Variants in CMTM2 observed in about 807,000 individuals in gnomAD.
CMTM2 encodes the protein CKLF like MARVEL transmembrane domain containing 2.
CMTM2 carries 15 observed loss-of-function variants against 16.8 expected under a neutral mutation model. The ratio of observed to expected loss-of-function variants is 0.89; its 90% CI spans 0.60 to 1.37. CMTM2 has a LOEUF of 1.37. Among genes scored for constraint, CMTM2 ranks in the 40% most tolerant of loss-of-function variants. The pLI is 0.00. For synonymous variants in CMTM2, 117 were observed against 118.7 expected (o/e 0.99, Z 0.09); for missense variants, 282 against 318.0 (o/e 0.89, Z 0.86).
chr16:66,583,487 C>T (rs1338112835), intron 2 of CMTM2, among the ~76,000 whole-genome samples: 1 of 149,542 alleles, frequency 6.7e-6, no homozygotes, highest in Non-Finnish European at 1.5e-5. Flanking sequence ...GCGAGACTGT[C>T]TCAAAAAAAA....
rs1689740354 is a variant in CMTM2, at chr16:66,588,131, C to T, written c.*12C>T. 6.2e-7 allele frequency: 1 copy of T among 1,610,932 alleles called. No homozygotes were observed. Among genetic ancestry groups the T allele is most frequent in the African/African-American group, 1.3e-5 (1 of 74,782 alleles). The stretch of plus-strand genomic sequence containing the variant: ...AGGGAAAGAAATGACTTGGAGGAGG[C>T]TCCTGGTGTCTGAAACGGCAGTGTA... On this transcript the variant is annotated 3_prime_UTR_variant, in exon 4 of 4. Coordinates refer to ENST00000268595, the MANE Select transcript of CMTM2 (RefSeq NM_144673.3).
intron 2 of CMTM2, chr16:66,580,620 T>A (rs34644564): frequency 0.37 from 61,124 of 165,568 alleles, 13,040 homozygotes; most frequent in Middle Eastern, 0.59. Context: ...GAATTTTTTT[T>A]AAAAATCACT....
At chr16:66,580,547 C>A in intron 2 of CMTM2, 1 of 216,852 alleles carries the variant, frequency 4.6e-6, no homozygotes, top group South Asian at 1.2e-4. Context: ...CAGAAGGACC[C>A]CATTCCCAAA....
In CMTM2 at chr16:66,587,056, G is replaced by A. The variant is rs2014801787; in HGVS notation, c.504G>A (p.Val168=). The part of the protein sequence containing the change: ...AFLVGAVVFA[V]RSRRSMNLHY... ...TTGTGGGAGCCGTGGTCTTTGCTGT[G>A]AGAAGTCGGCGATCCATGAATCTCC... Residue 168 remains valine, a synonymous_variant, in exon 3 of 4, where the codon GTG becomes GTA. Coordinates refer to ENST00000268595, the MANE Select transcript of CMTM2 (RefSeq NM_144673.3). The A allele has an allele frequency of 6.2e-7, 1 of 1,614,062 alleles. No individual in the cohort carries two copies. Among genetic ancestry groups the A allele is most frequent in the South Asian group, 1.1e-5 (1 of 91,090 alleles).
intron 2 of CMTM2, among the ~76,000 whole-genome samples, chr16:66,583,663 A>C (rs1325316293): frequency 1.3e-5 from 2 of 151,012 alleles, no homozygotes; most frequent in African/African-American, 4.9e-5. Context: ...ATTCACAAAT[A>C]TGAAAACTTA....
intron 2 of CMTM2, among the ~76,000 whole-genome samples, chr16:66,581,632 C>T (rs1429402821): frequency 2.0e-5 from 3 of 152,272 alleles, no homozygotes; most frequent in East Asian, 1.9e-4. Flanking sequence ...ATAAAGCCAG[C>T]GCCCTGGAAA....
At chr16:66,586,338 T>C (rs908141647) in intron 2 of CMTM2, among the ~76,000 whole-genome samples, 3 of 152,134 alleles carry the variant, frequency 2.0e-5, no homozygotes, top group Non-Finnish European at 2.9e-5. Flanking sequence ...TAGTTGTGTA[T>C]TTATTTAAAT....
intron 2 of CMTM2, among the ~76,000 whole-genome samples, chr16:66,583,940 C>G (rs1202979885): frequency 1.3e-5 from 2 of 152,208 alleles, no homozygotes; most frequent in Non-Finnish European, 2.9e-5. Context: ...CGTTGAGGCC[C>G]TAACCCCCAC....
chr16:66,587,340 G>GT (rs549606766), intron 3 of CMTM2, among the ~76,000 whole-genome samples: 93 of 152,144 alleles, frequency 6.1e-4, no homozygotes, highest in African/African-American at 2.2e-3. Flanking sequence ...GGCCAACATG[G>GT]TGAAATACAA....
Position 66,588,047 on chromosome 16 carries a change from G to A in CMTM2, c.675G>A (p.Gln225=), listed in dbSNP as rs1302124807. 1.2e-6 allele frequency: 2 copies of A among 1,613,714 alleles called. No homozygotes were observed. Among genetic ancestry groups the A allele is most frequent in the South Asian group, 1.1e-5 (1 of 91,066 alleles). ...CAGGAAAGGAAAAAGGACCCCAGCA[G>A]GGCAAGGGACCAGAACCCGCCAAGC... is the stretch of plus-strand genomic sequence containing the variant. ...PPPGKEKGPQ[Q]GKGPEPAKPP... The change falls in exon 4 of 4, where the codon CAG becomes CAA. Residue 225 remains glutamine, a synonymous_variant. Transcript: ENST00000268595.
chr16:66,579,653 G>T lies in CMTM2; in HGVS notation c.46G>T (p.Ala16Ser). The T allele has an allele frequency of 6.2e-7, 1 of 1,614,048 alleles. No homozygotes were observed. The highest frequency in any genetic ancestry group is 8.5e-7 in the Non-Finnish European group (1 of 1,179,994). Reference protein sequence around the residue: ...AKGAKPEPAPAPPPPGAKPEE... With the variant: ...AKGAKPEPAPSPPPPGAKPEE... ...GGGGGCCAAGCCAGAGCCAGCACCA[G>T]CTCCACCTCCACCCGGGGCCAAACC... is the stretch of plus-strand genomic sequence containing the variant. The change falls in exon 1 of 4, where the codon GCT becomes TCT. Residue 16 changes from alanine (A) to serine (S), a missense_variant. Physicochemically the swap from Ala to Ser is moderately conservative, Grantham distance 99. Transcript: ENST00000268595. This position sits in a 1 kb window ranked among gnomAD's most constrained non-coding sequence, Gnocchi z 6.5.
intron 2 of CMTM2, 122 bp from the exon 3 acceptor site, chr16:66,586,875 A>G (rs2144706222): frequency 1.4e-6 from 1 of 721,862 alleles, no homozygotes; most frequent in South Asian, 1.5e-5. Context: ...ATCTTTATGC[A>G]TACATTTTAA....
intron 2 of CMTM2, among the ~76,000 whole-genome samples, chr16:66,581,376 A>C (rs1227260133): frequency 1.3e-5 from 2 of 152,216 alleles, no homozygotes; most frequent in Non-Finnish European, 2.9e-5. Flanking sequence ...CTTACCTAAA[A>C]ATACCAGGGG....
At chr16:66,583,489 C>CA (rs966751918) in intron 2 of CMTM2, among the ~76,000 whole-genome samples, 604 of 135,974 alleles carry the variant, frequency 4.4e-3, no homozygotes, top group African/African-American at 7.9e-3. Context: ...GAGACTGTCT[C>CA]AAAAAAAAAA....
Position 66,585,764 on chromosome 16 carries a change from G to C in CMTM2, c.445-1233G>C, listed in dbSNP as rs9927444. ...CAGTGGCTCCTGGCCTGGTGGAGGT[G>C]GGAGTCGGGGATAGGATGTTCTATT... On this transcript the variant is annotated intron_variant, in intron 2 of 3. Coordinates refer to ENST00000268595, the MANE Select transcript of CMTM2 (RefSeq NM_144673.3). Among the ~76,000 whole-genome samples, 174 of 152,308 alleles carry C rather than the reference G, an allele frequency of 1.1e-3. 1 individual carries two copies. Among genetic ancestry groups the C allele is most frequent in the African/African-American group, 3.9e-3 (164 of 41,556 alleles).
rs375827407 is a variant in CMTM2, at chr16:66,580,150, A to G, written c.410A>G (p.His137Arg). The G allele has an allele frequency of 1.9e-5, 30 of 1,614,084 alleles. No homozygotes were observed. The African/African-American group carries it at 2.8e-4, about 15-fold the overall frequency. Residue 137 changes from histidine to arginine, a missense_variant, in exon 2 of 4, where the codon CAT becomes CGT. By Grantham distance (29) the His-to-Arg change is conservative (BLOSUM62 0). Coordinates refer to ENST00000268595, the MANE Select transcript of CMTM2 (RefSeq NM_144673.3). ...FFILLYSFAI[H>R]RYIPFILWPI... ...ATCTTACTGTACAGCTTTGCCATTC[A>G]TAGATACATACCCTTCATCCTGTGG...
In CMTM2 at chr16:66,587,050, T is replaced by C; in HGVS notation, c.498T>C (p.Phe166=). The C allele has an allele frequency of 6.2e-7, 1 of 1,614,176 alleles. No homozygotes were observed. ...ACAFLVGAVV[F]AVRSRRSMNL... ...CGTTCCTTGTGGGAGCCGTGGTCTT[T>C]GCTGTGAGAAGTCGGCGATCCATGA... The change falls in exon 3 of 4, where the codon TTT becomes TTC. Residue 166 remains phenylalanine, a synonymous_variant. Transcript: ENST00000268595.
At chr16:66,587,201 A>G (rs2014803785) in intron 3 of CMTM2, 103 bp downstream of exon 3, 15 of 990,864 alleles carry the variant, frequency 1.5e-5, no homozygotes, top group South Asian at 1.1e-4. Context: ...ATTTTCCACA[A>G]AAGTCTTGGG....
rs2014818115 is a variant in CMTM2 at position 66,588,197 on chromosome 16, T to C, written c.*78T>C. ...TTTCCACTCTCTTCCTTGTCTTCTTTCTGGAATGGTTTTCTTTTCCATTTT... is the reference window on the plus strand; with the variant it reads ...TTTCCACTCTCTTCCTTGTCTTCTTCCTGGAATGGTTTTCTTTTCCATTTT... On this transcript the variant is annotated 3_prime_UTR_variant, in exon 4 of 4. Coordinates refer to ENST00000268595, the MANE Select transcript of CMTM2 (RefSeq NM_144673.3). 1.3e-5 allele frequency: 18 copies of C among 1,347,520 alleles called. No homozygotes were observed. The highest frequency in any genetic ancestry group is 1.9e-5 in the Non-Finnish European group (18 of 968,906). The allele number at this position is 1,347,520 out of a possible 1,614,324, so 83.5% of individuals were successfully genotyped here.
Sources: allele counts gnomAD v4.1 joint callset (sites outside exome capture counted in the v4.1 genomes callset), GRCh38; gene constraint gnomAD v4.1.1; non-coding constraint Gnocchi (gnomAD v3.1); transcripts MANE v1.5; gene names NCBI Gene and HGNC (gene_info 2026-07-23, HGNC 2026-07-21).